The following AKAP19 variants were observed in gnomAD, a reference collection of about 807,000 sequenced individuals.
AKAP19 encodes small A-kinase anchoring protein.
the AKAP19 span, among the ~76,000 whole-genome samples, chr2:190,174,619 A>G: frequency 6.6e-6 from 1 of 152,246 alleles, no homozygotes; most frequent in Non-Finnish European, 1.5e-5. Flanking sequence ...GCAGTGAAAC[A>G]ATGGAAAGTG....
the AKAP19 span, among the ~76,000 whole-genome samples, chr2:189,958,503 AAT>A: frequency 7.1e-6 from 1 of 140,284 alleles, no homozygotes; most frequent in South Asian, 2.2e-4. Flanking sequence ...TATTTAATTA[AAT>A]ATATATACAC....
the AKAP19 span, among the ~76,000 whole-genome samples, chr2:190,159,174 C>T: frequency 6.6e-6 from 1 of 152,102 alleles, no homozygotes. Context: ...AGCGACTGGC[C>T]TCCACCCAAC....
chr2:189,954,248 A>G, the AKAP19 span, among the ~76,000 whole-genome samples: 1 of 152,252 alleles, frequency 6.6e-6, no homozygotes, highest in East Asian at 1.9e-4. Context: ...AAAATTGTTT[A>G]ATGCATCCAC....
chr2:190,014,448 A>G, the AKAP19 span, among the ~76,000 whole-genome samples: 78 of 152,220 alleles, frequency 5.1e-4, no homozygotes, highest in Non-Finnish European at 1.0e-3. Flanking sequence ...AGCATGGGGG[A>G]CATTGCCACC....
the AKAP19 span, among the ~76,000 whole-genome samples, chr2:189,966,308 T>G: frequency 6.6e-6 from 1 of 151,920 alleles, no homozygotes; most frequent in African/African-American, 2.4e-5. Flanking sequence ...TGTAAACAAA[T>G]ACCACCTGTT....
the AKAP19 span, among the ~76,000 whole-genome samples, chr2:190,087,909 A>G: frequency 6.6e-6 from 1 of 152,178 alleles, no homozygotes; most frequent in Non-Finnish European, 1.5e-5. Context: ...AATCTTTTGT[A>G]TAAAAGATAA....
At chr2:189,895,940 C>T in the AKAP19 span, among the ~76,000 whole-genome samples, 4 of 147,336 alleles carry the variant, frequency 2.7e-5, no homozygotes, top group South Asian at 2.1e-4. Flanking sequence ...ACTCAGGAGA[C>T]GGAGGTTGCA....
At chr2:190,189,762 T>C in the AKAP19 span, 1 of 152,226 alleles carries the variant, frequency 6.6e-6, no homozygotes, top group Non-Finnish European at 1.5e-5. Context: ...TTCTCATTTA[T>C]TGCCATCATT....
chr2:190,026,036 A>G, the AKAP19 span, among the ~76,000 whole-genome samples: 1 of 152,194 alleles, frequency 6.6e-6, no homozygotes, highest in Non-Finnish European at 1.5e-5. Flanking sequence ...AAACTGCTGA[A>G]CATCTGCTCA....
the AKAP19 span, among the ~76,000 whole-genome samples, chr2:190,173,215 GT>G: frequency 2.0e-5 from 3 of 152,182 alleles, no homozygotes; most frequent in Admixed American, 1.3e-4. Flanking sequence ...TTATCTCTAA[GT>G]TAGAGTTAAT....
the AKAP19 span, among the ~76,000 whole-genome samples, chr2:189,968,867 TA>T: frequency 6.6e-6 from 1 of 152,010 alleles, no homozygotes; most frequent in Non-Finnish European, 1.5e-5. Flanking sequence ...ATTTGTTTAT[TA>T]TACAAATAAT....
the AKAP19 span, among the ~76,000 whole-genome samples, chr2:189,933,983 C>A: frequency 6.6e-6 from 1 of 152,052 alleles, no homozygotes; most frequent in East Asian, 1.9e-4. Flanking sequence ...AAGAAGATTA[C>A]TCATCTAAAC....
the AKAP19 span, among the ~76,000 whole-genome samples, chr2:190,122,453 A>G: frequency 6.6e-6 from 1 of 152,210 alleles, no homozygotes. Context: ...ACTGTAGTTT[A>G]TCTTCTCACA....
the AKAP19 span, among the ~76,000 whole-genome samples, chr2:189,933,464 T>C: frequency 6.6e-6 from 1 of 152,354 alleles, no homozygotes; most frequent in East Asian, 1.9e-4. Flanking sequence ...ACAGTCATTT[T>C]TCATATGTGG....
chr2:190,175,142 T>A, the AKAP19 span, among the ~76,000 whole-genome samples: 12 of 152,204 alleles, frequency 7.9e-5, no homozygotes, highest in African/African-American at 2.9e-4. Flanking sequence ...CACGTCTACC[T>A]CTTTGGGGAT....
the AKAP19 span, among the ~76,000 whole-genome samples, chr2:189,910,689 T>C: frequency 6.6e-6 from 1 of 152,012 alleles, no homozygotes; most frequent in Non-Finnish European, 1.5e-5. Context: ...AAAACTAGAA[T>C]CAAATTAAAT....
chr2:190,099,601 G>A, the AKAP19 span, among the ~76,000 whole-genome samples: 1 of 152,264 alleles, frequency 6.6e-6, no homozygotes, highest in East Asian at 1.9e-4. Context: ...GAGACACCAA[G>A]TGAGCATGTT....
the AKAP19 span, among the ~76,000 whole-genome samples, chr2:190,130,516 A>C: frequency 6.6e-6 from 1 of 152,204 alleles, no homozygotes; most frequent in Non-Finnish European, 1.5e-5. Context: ...AAATCCTGCT[A>C]GTTTTCTTCT....
the AKAP19 span, chr2:190,201,886 C>G: frequency 6.0e-6 from 1 of 167,002 alleles, no homozygotes; most frequent in African/African-American, 2.4e-5. Context: ...GGTTGAGTGA[C>G]AAAAGCCTAG....
Sources: gnomAD v4.1 joint callset for allele counts (sites outside exome capture counted in the v4.1 genomes callset) on GRCh38, gnomAD v4.1.1 for gene constraint, MANE v1.5 for transcripts, NCBI Gene and HGNC (gene_info 2026-07-23, HGNC 2026-07-21) for gene names.